The following CANX variants were observed in gnomAD, a reference collection of about 807,000 sequenced individuals.
The protein encoded by CANX is epididymis secretory sperm binding protein.
A neutral mutation model predicts 75.7 loss-of-function variants in CANX; 14 were observed. The ratio of observed to expected loss-of-function variants is 0.19; its 90% CI spans 0.12 to 0.29. The LOEUF (loss-of-function observed/expected upper bound fraction) is 0.29. Among genes scored for constraint, CANX ranks in the 10% least tolerant of loss-of-function variants. The pLI is 1.00. For synonymous variants in CANX, 227 were observed against 236.9 expected (o/e 0.96, Z 0.38); for missense variants, 567 against 713.2 (o/e 0.79, Z 2.34).
At chr5:179,694,935 C>T (rs1776365763), upstream of CANX, among the ~76,000 whole-genome samples, 1 of 151,854 alleles carries the variant, frequency 6.6e-6, no homozygotes, top group African/African-American at 2.4e-5. Context: ...AAGCTGGATA[C>T]GAAGGATAAA....
At chr5:179,699,676 C>G (rs923129817) in intron 1 of CANX, 1 of 152,176 alleles carries the variant, frequency 6.6e-6, no homozygotes, top group Admixed American at 6.5e-5. Context: ...ATTCTGGAGG[C>G]GAGTAATCCA....
intron 10 of CANX, 60 bp from the exon 11 acceptor site, chr5:179,722,744 C>A: frequency 8.5e-7 from 1 of 1,174,740 alleles, no homozygotes; most frequent in Non-Finnish European, 1.2e-6. Context: ...ACGGTAGATT[C>A]ACCATAAACT....
At position 179,731,140 on chromosome 5, in the gene CANX, G is replaced by A. The variant is rs981477322; in HGVS notation, c.*2496G>A. Among the ~76,000 whole-genome samples the A allele has an allele frequency of 6.6e-6, 1 of 152,110 alleles. No individual in the cohort carries two copies. The highest frequency in any genetic ancestry group is 2.1e-4 in the South Asian group (1 of 4,830). The stretch of plus-strand genomic sequence containing the variant: ...TGCCTCTTCCTGCCCATGTGATTGC[G>A]GTGCAGTAGTTTCTGTTGTATAATA... On this transcript the variant is annotated 3_prime_UTR_variant, in exon 15 of 15. Transcript: ENST00000247461.
At chr5:179,686,798 G>A (rs1271877876) in intron 1 of CANX, among the ~76,000 whole-genome samples, 2 of 151,992 alleles carry the variant, frequency 1.3e-5, no homozygotes, top group African/African-American at 4.8e-5. Context: ...GTTTCTTTGA[G>A]ACAGAGCTTT....
rs765641166 is a variant in CANX, at chr5:179,722,816, C to G, written c.1195C>G (p.Pro399Ala). Residue 399 changes from proline (P) to alanine (A), a missense_variant, in exon 11 of 15, where the codon CCC (proline) becomes GCC (alanine). Physicochemically the swap from Pro to Ala is conservative, Grantham distance 27 (BLOSUM62 -1). Transcript: ENST00000247461. ...DNPSYQGIWK[P>A]RKIPNPDFFE... ...TTTTTTTTTCTAGGGAATCTGGAAA[C>G]CCAGGAAAATACCAAATCCAGATTT... The G allele has an allele frequency of 6.0e-5, 97 of 1,607,782 alleles. No individual in the cohort carries two copies. The highest frequency in any genetic ancestry group is 7.7e-5 in the Non-Finnish European group (90 of 1,175,090).
At chr5:179,702,856 A>G (rs1221568977) in intron 1 of CANX, among the ~76,000 whole-genome samples, 1 of 151,792 alleles carries the variant, frequency 6.6e-6, no homozygotes, top group Non-Finnish European at 1.5e-5. Context: ...TGCAAACTCC[A>G]CTTCCCGGGT....
At chr5:179,722,304 C>G (rs1406266835) in intron 10 of CANX, among the ~76,000 whole-genome samples, 1 of 152,318 alleles carries the variant, frequency 6.6e-6, no homozygotes, top group Middle Eastern at 3.4e-3. Context: ...TTTAGTTGTT[C>G]TCCTGTTGGT....
intron 6 of CANX, 39 bp downstream of exon 6, chr5:179,709,098 A>C (rs773034474): frequency 8.5e-7 from 1 of 1,176,454 alleles, no homozygotes; most frequent in Admixed American, 1.7e-5. Flanking sequence ...CTGGACACCC[A>C]CTATTACCTT....
chr5:179,692,884 C>T (rs113612058), intron 1 of CANX, among the ~76,000 whole-genome samples: 16 of 152,126 alleles, frequency 1.1e-4, no homozygotes, highest in East Asian at 7.8e-4. Context: ...TGGTGGCTCA[C>T]GCCTGTAATC....
At chr5:179,712,353 G>A (rs1484761546) in intron 7 of CANX, among the ~76,000 whole-genome samples, 1 of 151,582 alleles carries the variant, frequency 6.6e-6, no homozygotes, top group Non-Finnish European at 1.5e-5. Flanking sequence ...TGGTTTGTTT[G>A]TTTATTGAAG....
intron 7 of CANX, 30 bp from the exon 8 acceptor site, chr5:179,716,075 A>G (rs769447531): frequency 7.5e-6 from 11 of 1,459,422 alleles, no homozygotes; most frequent in Non-Finnish European, 1.1e-5. Context: ...AAAATTAAGT[A>G]CTTTTAATTC....
intron 1 of CANX, among the ~76,000 whole-genome samples, chr5:179,692,105 C>T (rs558786191): frequency 4.6e-4 from 69 of 149,764 alleles, no homozygotes; most frequent in African/African-American, 1.7e-3. Context: ...GACAAAGTCT[C>T]GCTCTGTTGC....
In CANX at chr5:179,709,037, C is replaced by G. The variant is rs779331457; in HGVS notation, c.506C>G (p.Ser169Cys). 6.3e-7 allele frequency: 1 copy of G among 1,597,590 alleles called. No individual in the cohort carries two copies. The highest frequency in any genetic ancestry group is 1.7e-5 in the Admixed American group (1 of 60,008). Residue 169 changes from serine to cysteine, a missense_variant, in exon 6 of 15, where the codon TCT becomes TGT. Around this residue, in one of 3 missense-constraint regions of CANX, gnomAD observed 351 missense variants for 433.8 expected, o/e 0.81. Coordinates refer to ENST00000247461, the MANE Select transcript of CANX (RefSeq NM_001746.4). ...ECGGAYVKLL[S>C]KTPELNLDQF... Reference sequence around the variant, plus strand: ...GGTGGTGCCTATGTGAAACTGCTTTCTAAAACACCAGAACTCAACCTGGTA... The same window carrying G: ...GGTGGTGCCTATGTGAAACTGCTTTGTAAAACACCAGAACTCAACCTGGTA...
At chr5:179,727,691 A>T (rs1778753706) in intron 14 of CANX, among the ~76,000 whole-genome samples, 1 of 152,166 alleles carries the variant, frequency 6.6e-6, no homozygotes, top group South Asian at 2.1e-4. Context: ...TGTGTTTCCT[A>T]TATACCAGGG....
At chr5:179,721,042 A>G (rs957019226) in intron 10 of CANX, among the ~76,000 whole-genome samples, 6 of 147,064 alleles carry the variant, frequency 4.1e-5, no homozygotes, top group Non-Finnish European at 9.0e-5. Flanking sequence ...TCAACCTCCT[A>G]AAGTGCTGGG....
At position 179,716,270 on chromosome 5, in the gene CANX, C is replaced by T; in HGVS notation, c.887C>T (p.Pro296Leu). The T allele has an allele frequency of 6.2e-7, 1 of 1,614,034 alleles. No individual in the cohort carries two copies. The highest frequency in any genetic ancestry group is 8.5e-7 in the Non-Finnish European group (1 of 1,179,918). ...GATGAAAGACCAAAAATCCCAGATCCAGAAGCTGTCAAGCCAGATGACTGG... is the reference window on the plus strand; with the variant it reads ...GATGAAAGACCAAAAATCCCAGATCTAGAAGCTGTCAAGCCAGATGACTGG... ...DWDERPKIPD[P>L]EAVKPDDWDE... is the part of the protein sequence containing the mutation. Residue 296 changes from proline (P) to leucine (L), a missense_variant, in exon 8 of 15, where the codon CCA becomes CTA. Around this residue, in one of 3 missense-constraint regions of CANX, gnomAD observed 351 missense variants for 433.8 expected, o/e 0.81. Coordinates refer to ENST00000247461, the MANE Select transcript of CANX (RefSeq NM_001746.4).
intron 1 of CANX, among the ~76,000 whole-genome samples, chr5:179,683,327 G>T (rs1158091155): frequency 6.6e-6 from 1 of 151,622 alleles, no homozygotes; most frequent in African/African-American, 2.4e-5. Context: ...TAGAGATGGG[G>T]TTTCACCGTG....
chr5:179,722,128 G>A (rs1362047104), intron 10 of CANX, among the ~76,000 whole-genome samples: 1 of 152,154 alleles, frequency 6.6e-6, no homozygotes, highest in Non-Finnish European at 1.5e-5. Context: ...TCAGCCATTC[G>A]AGACCAGCCT....
intron 1 of CANX, among the ~76,000 whole-genome samples, chr5:179,690,123 G>C (rs1199077765): frequency 1.3e-5 from 2 of 152,212 alleles, no homozygotes; most frequent in Non-Finnish European, 2.9e-5. Context: ...GTGAATGTCA[G>C]TGGGTCTCTT....
Sources: allele counts gnomAD v4.1 joint callset (sites outside exome capture counted in the v4.1 genomes callset), GRCh38; gene constraint gnomAD v4.1.1; regional missense constraint gnomAD v4.1.1; transcripts MANE v1.5; gene names NCBI Gene and HGNC (gene_info 2026-07-23, HGNC 2026-07-21).